The following KMT5C variants were observed in gnomAD, a reference collection of about 807,000 sequenced individuals.
KMT5C encodes the protein histone-lysine N-methyltransferase KMT5C.
In KMT5C, 16 loss-of-function variants were observed where a neutral mutation model predicts 38.2. The ratio of observed to expected loss-of-function variants is 0.42; its 90% confidence interval spans 0.28 to 0.64. The LOEUF (loss-of-function observed/expected upper bound fraction) is 0.64. Ranked by LOEUF, KMT5C falls within the 30% of genes least tolerant of loss-of-function variation. The pLI is 0.23. For synonymous variants in KMT5C, 291 were observed against 279.0 expected, an observed-to-expected ratio of 1.04 and a Z score of -0.43; for missense variants, 598 against 665.1, an observed-to-expected ratio of 0.90 and a Z score of 1.11.
intron 3 of KMT5C, 101 bp downstream of exon 3, chr19:55,342,481 C>T: frequency 4.2e-6 from 4 of 954,756 alleles, no homozygotes; most frequent in Non-Finnish European, 6.1e-6. Context: ...AGCGCAGCCC[C>T]TGGGGCCCCC....
rs147505616 is a variant in KMT5C at position 55,340,747 on chromosome 19, G to A, written c.-144+790G>A. ...GTCTGGCTCCTCCCTGAGTCCCTAG[G>A]CCATTCCCCGCTCTCTGTCCTCCCT... is the stretch of plus-strand genomic sequence containing the variant. On this transcript the variant is annotated intron_variant, in intron 1 of 8. Transcript: ENST00000255613. Among the ~76,000 whole-genome samples the A allele has an allele frequency of 6.1e-3, 925 of 151,628 alleles. 8 individuals are homozygous for A. Among genetic ancestry groups the A allele is most frequent in the African/African-American group, 0.021 (888 of 41,304 alleles).
At position 55,347,852 on chromosome 19, in the gene KMT5C, G is replaced by A. The variant is rs1366840715; in HGVS notation, c.*403G>A. On this transcript the variant is annotated 3_prime_UTR_variant, in exon 9 of 9. Coordinates refer to ENST00000255613, the MANE Select transcript of KMT5C (RefSeq NM_032701.4). This position sits in a 1 kb window ranked among gnomAD's most constrained non-coding sequence, Gnocchi z 4.6. Reference sequence around the variant, plus strand: ...CTGATGTAGGGGGTGGCACTCCCCAGAGACTGCCCTCACGAGGGGACTGGG... The same window carrying A: ...CTGATGTAGGGGGTGGCACTCCCCAAAGACTGCCCTCACGAGGGGACTGGG... 5.4e-6 allele frequency: 1 copy of A among 186,090 alleles called. No homozygotes were observed. The highest frequency in any genetic ancestry group is 1.1e-5 in the Non-Finnish European group (1 of 91,082). The allele number at this position is 186,090 out of a possible 1,614,324, so 11.5% of individuals were successfully genotyped here.
Position 55,346,655 on chromosome 19 carries a change from A to T in KMT5C, c.863A>T (p.His288Leu). The T allele has an allele frequency of 6.3e-7, 1 of 1,575,396 alleles. No individual in the cohort carries two copies. Among genetic ancestry groups the T allele is most frequent in the Non-Finnish European group, 8.6e-7 (1 of 1,161,514 alleles). Residue 288 changes from histidine to leucine, a missense_variant, in exon 8 of 9, where the codon CAC becomes CTC. By Grantham distance (99) the His-to-Leu change is moderately conservative (BLOSUM62 -3). Transcript: ENST00000255613. ...CTGCTGGGCCCTCGGGCCTGCGTGC[A>T]CCCATCCCCGCTGCGCCGGGACCCA... ...QGLLGPRACVHPSPLRRDPFC... is the reference protein window; with the variant it reads ...QGLLGPRACVLPSPLRRDPFC...
chr19:55,346,664 C>T lies in KMT5C; in HGVS notation c.872C>T (p.Pro291Leu), dbSNP rs541864880. 6.2e-5 allele frequency: 97 copies of T among 1,572,556 alleles called. No individual in the cohort carries two copies. The highest frequency in any genetic ancestry group is 9.4e-5 in the African/African-American group (7 of 74,242). The change falls in exon 8 of 9, where the codon CCG (proline) becomes CTG (leucine). Residue 291 changes from proline (P) to leucine (L), a missense_variant. This residue lies in a region of KMT5C where 326 missense variants were observed against 298.1 expected (regional missense o/e 1.09). Coordinates refer to ENST00000255613, the MANE Select transcript of KMT5C (RefSeq NM_032701.4). The stretch of plus-strand genomic sequence containing the variant: ...CCTCGGGCCTGCGTGCACCCATCCC[C>T]GCTGCGCCGGGACCCATTCTGCGGT... ...LGPRACVHPSPLRRDPFCAAC... is the reference protein window; with the variant it reads ...LGPRACVHPSLLRRDPFCAAC...
chr19:55,344,501 G>C (rs1354388750), intron 6 of KMT5C: 7 of 361,312 alleles, frequency 1.9e-5, no homozygotes, highest in Non-Finnish European at 2.8e-5. Flanking sequence ...GCGTTGCCCG[G>C]CTGTTTGTGC....
In KMT5C at chr19:55,347,261, G is replaced by T; in HGVS notation, c.1201G>T (p.Val401Leu). ...GGCCCGGCGCTATGGGCTGCCTTAC[G>T]TGGTGCGTGTGGACCTTCGTCGCCT... ...HWARRYGLPYVVRVDLRRLAP... is the reference protein window; with the variant it reads ...HWARRYGLPYLVRVDLRRLAP... Residue 401 changes from valine to leucine, a missense_variant, in exon 9 of 9, where the codon GTG becomes TTG. By Grantham distance (32) the Val-to-Leu change is conservative. Coordinates refer to ENST00000255613, the MANE Select transcript of KMT5C (RefSeq NM_032701.4). This position sits in a 1 kb window ranked among gnomAD's most constrained non-coding sequence, Gnocchi z 4.6. 6.4e-7 allele frequency: 1 copy of T among 1,552,342 alleles called. No homozygotes were observed.
Position 55,343,066 on chromosome 19 carries a change from C to T in KMT5C, c.386+215C>T. On this transcript the variant is annotated intron_variant, in intron 4 of 8. Coordinates refer to ENST00000255613, the MANE Select transcript of KMT5C (RefSeq NM_032701.4). This position sits in a 1 kb window ranked among gnomAD's most constrained non-coding sequence, Gnocchi z 5.5. ...GACCCCGGATGTGACCCCAGGGTTC[C>T]TGGGGCTTCCAGGAAAGAACTAGGC... 3.7e-6 allele frequency: 2 copies of T among 545,304 alleles called. No homozygotes were observed. The highest frequency in any genetic ancestry group is 3.1e-5 in the Admixed American group (1 of 32,202). The allele number at this position is 545,304 out of a possible 1,614,324, so 33.8% of individuals were successfully genotyped here. A position where few individuals can be genotyped will look rare whatever the true frequency, so the allele number is the denominator to read the frequency against.
intron 4 of KMT5C, 57 bp downstream of exon 4, chr19:55,342,908 C>A: frequency 9.3e-7 from 1 of 1,073,508 alleles, no homozygotes; most frequent in Non-Finnish European, 1.5e-6. Context: ...TCAGAGGGGA[C>A]AAGAGAGACC....
At chr19:55,344,728 T>G in intron 6 of KMT5C, 2 of 526,436 alleles carry the variant, frequency 3.8e-6, no homozygotes, top group Non-Finnish European at 7.8e-6. Flanking sequence ...TGTCCAGACA[T>G]GCCCAGGAGA....
intron 1 of KMT5C, among the ~76,000 whole-genome samples, chr19:55,341,115 C>T (rs939403138): frequency 6.6e-6 from 1 of 152,234 alleles, no homozygotes; most frequent in Non-Finnish European, 1.5e-5. Flanking sequence ...TGGTTTTCTT[C>T]ATCTCTCCGT....
Position 55,347,138 on chromosome 19 carries a change from G to C in KMT5C, c.1078G>C (p.Gly360Arg). 1 of 1,540,286 alleles carries C rather than the reference G, an allele frequency of 6.5e-7. No homozygotes were observed. Among genetic ancestry groups the C allele is most frequent in the African/African-American group, 1.4e-5 (1 of 73,372 alleles). The change falls in exon 9 of 9, where the codon GGA becomes CGA. Residue 360 changes from glycine (G) to arginine (R), a missense_variant. By Grantham distance (125) the Gly-to-Arg change is moderately radical. This residue lies in a region of KMT5C where 326 missense variants were observed against 298.1 expected (regional missense o/e 1.09). Transcript: ENST00000255613. The surrounding 1 kb of genome is among the most constrained non-coding windows in gnomAD (Gnocchi z 4.6). ...TGCCCGCGTCTCCCTGCACCGATGG[G>C]GAGGCTGTGGCCCCCACTGCCGCCT... ...HAARVSLHRW[G>R]GCGPHCRLRG...
Position 55,346,194 on chromosome 19 carries a change from G to T in KMT5C, c.571-19G>T, listed in dbSNP as rs777389889. On this transcript the variant is annotated intron_variant, in intron 6 of 8. Coordinates refer to ENST00000255613, the MANE Select transcript of KMT5C (RefSeq NM_032701.4). ...CCCCTGTGCCCTGGGCCAGGGCGCT[G>T]AGTGGGCTTGGCCCTCAGTTTGTGC... The T allele has an allele frequency of 6.2e-7, 1 of 1,613,330 alleles. No individual in the cohort carries two copies. Among genetic ancestry groups the T allele is most frequent in the African/African-American group, 1.3e-5 (1 of 75,044 alleles).
Position 55,342,393 on chromosome 19 carries a change from T to A in KMT5C, c.276+13T>A. On this transcript the variant is annotated intron_variant, in intron 3 of 8. Coordinates refer to ENST00000255613, the MANE Select transcript of KMT5C (RefSeq NM_032701.4). ...CCTCAAGACCCACGTGAGGGCGCCCTCCCCTCCCCCGCCCTCACCGCGTGT... is the reference window on the plus strand; with the variant it reads ...CCTCAAGACCCACGTGAGGGCGCCCACCCCTCCCCCGCCCTCACCGCGTGT... 6.8e-7 allele frequency: 1 copy of A among 1,478,436 alleles called. No homozygotes were observed. The highest frequency in any genetic ancestry group is 9.0e-7 in the Non-Finnish European group (1 of 1,113,754). 91.6% of individuals were successfully genotyped at this position (1,478,436 alleles called of 1,614,324 possible).
At chr19:55,342,144 C>T (rs2089564661) in intron 2 of KMT5C, 71 bp from the exon 3 acceptor site, 2 of 1,589,548 alleles carry the variant, frequency 1.3e-6, no homozygotes, top group African/African-American at 2.7e-5. Flanking sequence ...TGGTCCTCCC[C>T]TCAGCTCCAA....
chr19:55,347,018 C>T lies in KMT5C; in HGVS notation c.958C>T (p.Leu320Phe). The change falls in exon 9 of 9, where the codon CTC becomes TTC. Residue 320 changes from leucine (L) to phenylalanine (F), a missense_variant. Coordinates refer to ENST00000255613, the MANE Select transcript of KMT5C (RefSeq NM_032701.4). The surrounding 1 kb of genome is among the most constrained non-coding windows in gnomAD (Gnocchi z 4.6). ...CCGCCCAGACACCTCACCCCTCTGG[C>T]TCCAGTGGCTGCCTCAGCCCCAGCC... ...SARPDTSPLW[L>F]QWLPQPQPRV... The T allele has an allele frequency of 7.0e-7, 1 of 1,431,488 alleles. No homozygotes were observed. The highest frequency in any genetic ancestry group is 1.7e-5 in the Admixed American group (1 of 59,556). 88.7% of individuals were successfully genotyped at this position (1,431,488 alleles called of 1,614,324 possible).
chr19:55,343,638 G>T lies in KMT5C; in HGVS notation c.387-42G>T, dbSNP rs1395135189. The T allele has an allele frequency of 3.2e-6, 5 of 1,543,934 alleles. No individual in the cohort carries two copies. Among genetic ancestry groups the T allele is most frequent in the South Asian group, 2.4e-5 (2 of 83,940 alleles). Reference sequence around the variant, plus strand: ...CGAGTCCCCTGAACACCTGCAGGAGGCCAGGCATCGCCCACAGCCCTGCCC... The same window carrying T: ...CGAGTCCCCTGAACACCTGCAGGAGTCCAGGCATCGCCCACAGCCCTGCCC... On this transcript the variant is annotated intron_variant, in intron 4 of 8. Transcript: ENST00000255613. This position sits in a 1 kb window ranked among gnomAD's most constrained non-coding sequence, Gnocchi z 5.5.
intron 7 of KMT5C, 25 bp from the exon 8 acceptor site, chr19:55,346,475 A>G (rs748273212): frequency 2.9e-5 from 46 of 1,592,996 alleles, no homozygotes; most frequent in Non-Finnish European, 3.8e-5. Flanking sequence ...ACCCGGCCTC[A>G]TCTCCCCTTC....
Position 55,343,209 on chromosome 19 carries a change from G to A in KMT5C, c.386+358G>A, listed in dbSNP as rs2089579978. ...CTGCCCCTGCGGGGTTCACAGTCTG[G>A]TGAGGAGGTGGGGGGCAGACAAGTC... On this transcript the variant is annotated intron_variant, in intron 4 of 8. Transcript: ENST00000255613. The surrounding 1 kb of genome is among the most constrained non-coding windows in gnomAD (Gnocchi z 5.5). 2 of 334,738 alleles carry A rather than the reference G, an allele frequency of 6.0e-6. No individual in the cohort carries two copies. The highest frequency in any genetic ancestry group is 4.2e-5 in the Admixed American group (1 of 23,610). 20.7% of individuals were successfully genotyped at this position (334,738 alleles called of 1,614,324 possible). A position where few individuals can be genotyped will look rare whatever the true frequency, so the allele number is the denominator to read the frequency against.
chr19:55,345,360 T>C (rs1331696237), intron 6 of KMT5C, among the ~76,000 whole-genome samples: 1 of 151,886 alleles, frequency 6.6e-6, no homozygotes, highest in African/African-American at 2.4e-5. Flanking sequence ...GGGTGTATAA[T>C]GGGAAGCTTG....
Sources: gnomAD v4.1 joint callset for allele counts (sites outside exome capture counted in the v4.1 genomes callset) on GRCh38, gnomAD v4.1.1 for gene constraint, gnomAD v4.1.1 regional missense constraint, Gnocchi (gnomAD v3.1) non-coding constraint, MANE v1.5 for transcripts, NCBI Gene and HGNC (gene_info 2026-07-23, HGNC 2026-07-21) for gene names.